TFB1M: variants seen among roughly 807,000 people sequenced by gnomAD.
TFB1M encodes dimethyladenosine transferase 1, mitochondrial.
Under a neutral mutation model 31.1 loss-of-function variants are expected in TFB1M, and 27 were observed. The observed-to-expected ratio is 0.87, with a 90% CI of 0.64 to 1.20. TFB1M has a LOEUF of 1.20. Ranked by LOEUF, TFB1M falls within the 50% of genes most tolerant of loss-of-function variation. TFB1M has a pLI of 0.00. For synonymous variants in TFB1M, 166 were observed against 151.8 expected (o/e 1.09, Z -0.69); for missense variants, 394 against 418.7 (o/e 0.94, Z 0.51).
intron 2 of TFB1M, among the ~76,000 whole-genome samples, chr6:155,306,599 G>A (rs1456914737): frequency 1.3e-5 from 2 of 151,942 alleles, no homozygotes; most frequent in Non-Finnish European, 2.9e-5. Context: ...AAATAATTAT[G>A]CTAAGTAAAA....
Position 155,276,148 on chromosome 6 carries a change from C to T in TFB1M, c.666+9010G>A, listed in dbSNP as rs148869864. 9 of 1,614,004 alleles carry T rather than the reference C, an allele frequency of 5.6e-6. No individual in the cohort carries two copies. The African/African-American group carries it at 1.2e-4, about 22-fold the overall frequency. On this transcript the variant is annotated intron_variant, in intron 5 of 6. Coordinates refer to ENST00000367166, the MANE Select transcript of TFB1M (RefSeq NM_016020.4). The stretch of plus-strand genomic sequence containing the variant: ...CGACAGTGTGGTACACAAAGGAGAT[C>T]ATAGCAAACTTTCTGGATCTGACAG...
downstream of TFB1M, chr6:155,251,814 A>T: frequency 1.4e-6 from 1 of 697,698 alleles, no homozygotes; most frequent in Non-Finnish European, 2.5e-6. Context: ...TTATTCACTC[A>T]TGTTGGCAGA....
intron 3 of TFB1M, 92 bp from the exon 4 acceptor site, chr6:155,297,196 T>C (rs779706340): frequency 2.3e-5 from 31 of 1,354,436 alleles, no homozygotes; most frequent in African/African-American, 1.3e-4. Flanking sequence ...TGGATATTAA[T>C]AGCATCAAAG....
chr6:155,265,942 C>T (rs1171269348), intron 5 of TFB1M, among the ~76,000 whole-genome samples: 3 of 151,692 alleles, frequency 2.0e-5, no homozygotes, highest in South Asian at 2.1e-4. Flanking sequence ...GCATCCAGCA[C>T]GTGAGAAAAG....
chr6:155,240,541 G>T, the TFB1M span: 1 of 1,612,468 alleles, frequency 6.2e-7, no homozygotes, highest in Admixed American at 1.7e-5. Flanking sequence ...GTGCTGAGCA[G>T]ATCACTGCAC....
At chr6:155,234,949 G>A in the TFB1M span, among the ~76,000 whole-genome samples, 1 of 151,912 alleles carries the variant, frequency 6.6e-6, no homozygotes. Context: ...GGAGTGGCAG[G>A]GGCTGTGCGG....
intron 2 of TFB1M, among the ~76,000 whole-genome samples, chr6:155,308,106 A>C (rs1387508792): frequency 1.3e-5 from 2 of 152,204 alleles, no homozygotes; most frequent in Admixed American, 1.3e-4. Flanking sequence ...GAGATTCAGG[A>C]AATCTCCTCA....
downstream of TFB1M, chr6:155,254,179 C>A: frequency 2.5e-6 from 3 of 1,197,002 alleles, no homozygotes; most frequent in South Asian, 4.6e-5. Flanking sequence ...ACTCCCCACC[C>A]TCCGAAAAAG....
At chr6:155,294,005 GATTTCATGTC>G (rs1189742679) in intron 4 of TFB1M, among the ~76,000 whole-genome samples, 1 of 152,026 alleles carries the variant, frequency 6.6e-6, no homozygotes, top group African/African-American at 2.4e-5. Flanking sequence ...CTGCTTCCTG[GATTTCATGTC>G]ATTTTTTTCT....
chr6:155,283,719 C>T (rs1301582401), intron 5 of TFB1M, among the ~76,000 whole-genome samples: 1 of 152,150 alleles, frequency 6.6e-6, no homozygotes, highest in Non-Finnish European at 1.5e-5. Context: ...ATGGTCATAA[C>T]CATAACTATA....
chr6:155,253,828 A>ATG, downstream of TFB1M: 1 of 608,122 alleles, frequency 1.6e-6, no homozygotes, highest in Non-Finnish European at 2.9e-6. Flanking sequence ...TGAAAATCAT[A>ATG]CATAGAACAA....
intron 3 of TFB1M, among the ~76,000 whole-genome samples, chr6:155,298,190 T>C (rs565551071): frequency 2.6e-5 from 4 of 152,206 alleles, no homozygotes; most frequent in Non-Finnish European, 5.9e-5. Flanking sequence ...TAACAATTGA[T>C]AGTTTACCCT....
At chr6:155,242,330 G>A in the TFB1M span, among the ~76,000 whole-genome samples, 3 of 152,304 alleles carry the variant, frequency 2.0e-5, no homozygotes, top group South Asian at 2.1e-4. Flanking sequence ...TGTTGCTGAC[G>A]TTTAACACAG....
chr6:155,260,017 T>A (rs1404711821), intron 6 of TFB1M, among the ~76,000 whole-genome samples: 2 of 152,228 alleles, frequency 1.3e-5, no homozygotes, highest in Non-Finnish European at 2.9e-5. Context: ...ACGAGCTCCC[T>A]GGTACAGAGC....
the TFB1M span, chr6:155,240,816 C>A: frequency 8.7e-7 from 1 of 1,150,868 alleles, no homozygotes; most frequent in Non-Finnish European, 1.2e-6. Context: ...TGCCACTCCC[C>A]AGGGGGGGAC....
chr6:155,278,371 C>A (rs1285642060), intron 5 of TFB1M, among the ~76,000 whole-genome samples: 1 of 152,224 alleles, frequency 6.6e-6, no homozygotes, highest in Non-Finnish European at 1.5e-5. Context: ...CATGAGCACA[C>A]CAAGACTTAA....
chr6:155,257,207 A>AC lies in TFB1M; in HGVS notation c.*628_*629insG, dbSNP rs1784114042. The AC allele has an allele frequency of 8.7e-6, 12 of 1,386,362 alleles. No individual in the cohort carries two copies. Among genetic ancestry groups the AC allele is most frequent in the African/African-American group, 1.5e-5 (1 of 68,178 alleles). 85.9% of individuals were successfully genotyped at this position (1,386,362 alleles called of 1,614,324 possible). On this transcript the variant is annotated 3_prime_UTR_variant, in exon 7 of 7. Coordinates refer to ENST00000367166, the MANE Select transcript of TFB1M (RefSeq NM_016020.4). ...GGAAATTGCAAAAAAAAAAAAAAAA[A>AC]AAAACTGTTCATTCCTGGGTTTTGT...
At chr6:155,244,073 A>G in the TFB1M span, 1 of 1,614,028 alleles carries the variant, frequency 6.2e-7, no homozygotes, top group Admixed American at 1.7e-5. Context: ...TTCTTACCCA[A>G]GATGAGGTAA....
chr6:155,235,088 T>C, the TFB1M span, among the ~76,000 whole-genome samples: 1 of 151,938 alleles, frequency 6.6e-6, no homozygotes, highest in African/African-American at 2.4e-5. Flanking sequence ...GAACGGGCCC[T>C]GTGCCATTTA....
Sources: gnomAD v4.1 joint callset for allele counts (sites outside exome capture counted in the v4.1 genomes callset) on GRCh38, gnomAD v4.1.1 for gene constraint, MANE v1.5 for transcripts, NCBI Gene and HGNC (gene_info 2026-07-23, HGNC 2026-07-21) for gene names.